TTLL5: variants seen among roughly 807,000 people sequenced by gnomAD.
TTLL5 encodes tubulin polyglutamylase TTLL5.
A neutral mutation model predicts 168.4 loss-of-function variants in TTLL5; 132 were observed. That is an observed-to-expected ratio of 0.78 (90% CI 0.68 to 0.91). The LOEUF (loss-of-function observed/expected upper bound fraction) is 0.91, where lower values mean the gene tolerates loss of function less well. TTLL5 is among the 40% of genes least tolerant of loss of function. The pLI is 0.00. For synonymous variants in TTLL5, 546 were observed against 558.6 expected, an observed-to-expected ratio of 0.98 and a Z score of 0.32; for missense variants, 1,545 against 1,581.5, an observed-to-expected ratio of 0.98 and a Z score of 0.39.
In TTLL5 at chr14:75,752,897, T is replaced by C. The variant is rs752499226; in HGVS notation, c.1492T>C (p.Tyr498His). The C allele has an allele frequency of 1.2e-6, 2 of 1,613,336 alleles. No homozygotes were observed. The highest frequency in any genetic ancestry group is 4.5e-5 in the East Asian group (2 of 44,844). Residue 498 changes from tyrosine (Y) to histidine (H), a missense_variant, in exon 18 of 32, where the codon TAC (tyrosine) becomes CAC (histidine). Coordinates refer to ENST00000298832, the MANE Select transcript of TTLL5 (RefSeq NM_015072.5). ...TSETWEIYGSYLEHKTSMNYM... is the reference protein window; with the variant it reads ...TSETWEIYGSHLEHKTSMNYM... ...GTTTCTTTCTTTGCTTTTCAGGTCC[T>C]ACCTCGAGCATAAGACCTCAATGAA... is the stretch of plus-strand genomic sequence containing the variant.
chr14:75,900,707 C>T (rs1224046297), intron 30 of TTLL5, among the ~76,000 whole-genome samples: 3 of 152,296 alleles, frequency 2.0e-5, no homozygotes, highest in South Asian at 2.1e-4. Context: ...GCAATTTCCT[C>T]GTGAAACGCT....
At chr14:75,719,626 A>G in intron 10 of TTLL5, 109 bp from the exon 11 acceptor site, 2 of 905,604 alleles carry the variant, frequency 2.2e-6, no homozygotes, top group Non-Finnish European at 3.2e-6. Flanking sequence ...CAGCAAAGTG[A>G]ATTAAAAAAA....
At chr14:75,844,223 G>A (rs1159136130) in intron 28 of TTLL5, among the ~76,000 whole-genome samples, 1 of 152,160 alleles carries the variant, frequency 6.6e-6, no homozygotes, top group Non-Finnish European at 1.5e-5. Context: ...GTTAATTTTT[G>A]TATGAGGTAT....
At chr14:75,751,256 C>T (rs1889930756) in intron 17 of TTLL5, among the ~76,000 whole-genome samples, 1 of 152,178 alleles carries the variant, frequency 6.6e-6, no homozygotes, top group South Asian at 2.1e-4. Flanking sequence ...TTCACGATGT[C>T]ATGGATAGAA....
rs56876692 is a variant in TTLL5, at chr14:75,770,179, GAAAAAA to G, written c.2016-1541_2016-1536del. ...GGTGACAAGAGCAAAACTCTGTCTCGAAAAAAAAAAAAAAAAAAAGAAAATATAAGT... is the reference window on the plus strand; with the variant it reads ...GGTGACAAGAGCAAAACTCTGTCTCGAAAAAAAAAAAAAGAAAATATAAGT... On this transcript the variant is annotated intron_variant, in intron 20 of 31. Coordinates refer to ENST00000298832, the MANE Select transcript of TTLL5 (RefSeq NM_015072.5). Among the ~76,000 whole-genome samples the G allele has an allele frequency of 5.9e-5, 5 of 85,030 alleles. No individual in the cohort carries two copies. The East Asian group carries it at 1.4e-3, about 24-fold the overall frequency. 55.8% of individuals were successfully genotyped at this position (85,030 alleles called of 152,430 possible).
intron 9 of TTLL5, chr14:75,709,297 T>C: frequency 1.4e-6 from 1 of 720,710 alleles, no homozygotes; most frequent in Non-Finnish European, 2.5e-6. Flanking sequence ...GGTCTTTTAA[T>C]GATTTTAGAG....
chr14:75,877,047 A>G (rs550935997), intron 29 of TTLL5, among the ~76,000 whole-genome samples: 1 of 152,342 alleles, frequency 6.6e-6, no homozygotes, highest in Non-Finnish European at 1.5e-5. Flanking sequence ...GACACAATCT[A>G]ATGTGGGGAG....
chr14:75,915,228 A>C (rs1214538281), intron 31 of TTLL5, among the ~76,000 whole-genome samples: 1 of 152,050 alleles, frequency 6.6e-6, no homozygotes, highest in Non-Finnish European at 1.5e-5. Context: ...GTTCCTCTTA[A>C]GTTGTGTAAT....
chr14:75,852,350 A>T (rs1896905642), intron 28 of TTLL5, among the ~76,000 whole-genome samples: 1 of 152,140 alleles, frequency 6.6e-6, no homozygotes, highest in African/African-American at 2.4e-5. Context: ...TATTTCTTTA[A>T]TCCTTTCCCA....
intron 28 of TTLL5, among the ~76,000 whole-genome samples, chr14:75,854,176 T>TG (rs1374480145): frequency 6.6e-6 from 1 of 152,206 alleles, no homozygotes; most frequent in Non-Finnish European, 1.5e-5. Flanking sequence ...AAAATTCCCT[T>TG]GCGTCTTTTT....
chr14:75,835,799 C>T (rs892642960), intron 28 of TTLL5, among the ~76,000 whole-genome samples: 2 of 152,164 alleles, frequency 1.3e-5, no homozygotes, highest in African/African-American at 4.8e-5. Context: ...GAAAAATACT[C>T]AGCATCATTG....
At chr14:75,898,634 C>T (rs927489781) in intron 30 of TTLL5, among the ~76,000 whole-genome samples, 1 of 151,984 alleles carries the variant, frequency 6.6e-6, no homozygotes, top group Non-Finnish European at 1.5e-5. Flanking sequence ...AGAGTAAGAC[C>T]CTGTCTCAAA....
chr14:75,912,664 G>A (rs955644708), intron 31 of TTLL5, among the ~76,000 whole-genome samples: 2 of 152,162 alleles, frequency 1.3e-5, no homozygotes, highest in Non-Finnish European at 2.9e-5. Flanking sequence ...CAAAAAGGAA[G>A]AAATACTCCA....
intron 21 of TTLL5, among the ~76,000 whole-genome samples, chr14:75,774,502 A>G (rs1278625959): frequency 2.2e-4 from 33 of 152,044 alleles, no homozygotes; most frequent in Admixed American, 2.0e-3. Context: ...ATTTTTCATT[A>G]CCCATGCATT....
chr14:75,666,988 T>A (rs1219616840), intron 2 of TTLL5, among the ~76,000 whole-genome samples: 1 of 152,228 alleles, frequency 6.6e-6, no homozygotes, highest in Non-Finnish European at 1.5e-5. Flanking sequence ...TTCAGTTTCC[T>A]AATCATTCTG....
intron 29 of TTLL5, among the ~76,000 whole-genome samples, chr14:75,875,069 G>A (rs1411876519): frequency 1.3e-5 from 2 of 149,238 alleles, no homozygotes; most frequent in Non-Finnish European, 3.0e-5. Flanking sequence ...AAGTAACTGA[G>A]ACTACAGGTG....
chr14:75,857,568 GT>G (rs998263557), intron 28 of TTLL5, among the ~76,000 whole-genome samples: 4 of 147,898 alleles, frequency 2.7e-5, no homozygotes, highest in Non-Finnish European at 6.0e-5. Context: ...GAGTTGGGAA[GT>G]TTTTTTTTTC....
intron 18 of TTLL5, among the ~76,000 whole-genome samples, chr14:75,760,447 T>A (rs1286331703): frequency 6.6e-6 from 1 of 152,162 alleles, no homozygotes; most frequent in South Asian, 2.1e-4. Context: ...GCAATTTCAA[T>A]CATTATTCTG....
chr14:75,796,978 AAATTGCACTG>A (rs915687179), intron 27 of TTLL5, among the ~76,000 whole-genome samples: 1 of 149,926 alleles, frequency 6.7e-6, no homozygotes, highest in African/African-American at 2.4e-5. Flanking sequence ...TGATGGTATT[AAATTGCACTG>A]AATTTGTAGA....
Sources: gnomAD v4.1 joint callset for allele counts (sites outside exome capture counted in the v4.1 genomes callset) on GRCh38, gnomAD v4.1.1 for gene constraint, MANE v1.5 for transcripts, NCBI Gene and HGNC (gene_info 2026-07-23, HGNC 2026-07-21) for gene names.